The following SETD2 variants were observed in gnomAD, a reference collection of about 807,000 sequenced individuals.
SETD2 encodes the protein SET domain containing 2, histone lysine methyltransferase.
A neutral mutation model predicts 242.1 loss-of-function variants in SETD2; 31 were observed. The ratio of observed to expected loss-of-function variants is 0.13; its 90% CI spans 0.10 to 0.17. The LOEUF (loss-of-function observed/expected upper bound fraction) is 0.17. Ranked by LOEUF, SETD2 falls within the 10% of genes least tolerant of loss-of-function variation. The pLI is 1.00. For missense variants in SETD2, 2,481 were observed against 3,046.3 expected, an observed-to-expected ratio of 0.81 and a Z score of 4.37; for synonymous variants, 1,006 against 1,066.5, an observed-to-expected ratio of 0.94 and a Z score of 1.11.
intron 18 of SETD2, among the ~76,000 whole-genome samples, chr3:47,022,840 A>T (rs142222191): frequency 4.3e-4 from 66 of 152,352 alleles, no homozygotes; most frequent in Non-Finnish European, 7.5e-4. Context: ...GGCAGGCCTG[A>T]GTACCTTTAT....
chr3:47,079,870 C>G (rs372909488), intron 12 of SETD2, among the ~76,000 whole-genome samples: 1 of 152,102 alleles, frequency 6.6e-6, no homozygotes, highest in Admixed American at 6.5e-5. Context: ...TTCTACCAAA[C>G]GAGACATTTA....
At chr3:47,062,027 T>C (rs2040355398) in intron 14 of SETD2, 136 bp downstream of exon 14, 1 of 717,778 alleles carries the variant, frequency 1.4e-6, no homozygotes, top group African/African-American at 1.8e-5. Flanking sequence ...TCAGTAAAGT[T>C]GTATACTCAC....
chr3:47,126,757 T>C, intron 1 of SETD2, 94 bp from the exon 2 acceptor site: 3 of 735,220 alleles, frequency 4.1e-6, no homozygotes, highest in Non-Finnish European at 6.8e-6. Context: ...GTATTAAAAC[T>C]TGGGATACTT....
intron 12 of SETD2, among the ~76,000 whole-genome samples, chr3:47,078,519 CTTTTTTT>C (rs71098448): frequency 1.5e-4 from 11 of 71,298 alleles, no homozygotes; most frequent in African/African-American, 4.8e-4. Flanking sequence ...GATTCTCAGC[CTTTTTTT>C]TTTTTTTTTT....
chr3:47,092,944 T>C (rs2041863806), intron 9 of SETD2, among the ~76,000 whole-genome samples: 1 of 152,176 alleles, frequency 6.6e-6, no homozygotes, highest in South Asian at 2.1e-4. Context: ...AAGAAATAGG[T>C]CTTCAATTTT....
Position 47,123,100 on chromosome 3 carries a change from T to G in SETD2, c.1536A>C (p.Ser512=). The change falls in exon 3 of 21, where the codon TCA becomes TCC. Residue 512 remains serine (S), a synonymous_variant. Coordinates refer to ENST00000409792, the MANE Select transcript of SETD2 (RefSeq NM_014159.7). ...LEMERRGKYS[S]KLERESKRTS... ...TCCTTTTAGATTCTCTTTCTAGTTT[T>G]GAAGAATACTTGCCTCTTCTTTCCA... 6.2e-7 allele frequency: 1 copy of G among 1,613,422 alleles called. No homozygotes were observed. Among genetic ancestry groups the G allele is most frequent in the Non-Finnish European group, 8.5e-7 (1 of 1,179,498 alleles).
rs2107638798 is a variant in SETD2 at position 47,083,965 on chromosome 3, C to T, written c.5815G>A (p.Asp1939Asn). ...CTAGCTTCTATGTTGGTTTCACTAT[C>T]AACTTTGCATTCAGGCAGCTGTTGT... is the stretch of plus-strand genomic sequence containing the variant. ...LPQQLPECKV[D>N]SETNIEASKL... is the part of the protein sequence containing the mutation. The change falls in exon 12 of 21, where the codon GAT (aspartate) becomes AAT (asparagine). Residue 1939 changes from aspartate (D) to asparagine (N), a missense_variant. By Grantham distance (23) the Asp-to-Asn change is conservative (BLOSUM62 1). Coordinates refer to ENST00000409792, the MANE Select transcript of SETD2 (RefSeq NM_014159.7). 5 of 1,614,150 alleles carry T rather than the reference C, an allele frequency of 3.1e-6. No individual in the cohort carries two copies. In the East Asian group the frequency reaches 1.1e-4, roughly 36 times the overall value.
rs553439723 is a variant in SETD2 at position 47,127,717 on chromosome 3, C to T, written c.72-1054G>A. ...TCTCTACTAAAAATACAAAATTAGC[C>T]GAGCATGGTGGTGCGTGCCTGTAAT... On this transcript the variant is annotated intron_variant, in intron 1 of 20. Transcript: ENST00000409792. Among the ~76,000 whole-genome samples, 7 of 152,208 alleles carry T rather than the reference C, an allele frequency of 4.6e-5. No homozygotes were observed. In the South Asian group the frequency reaches 1.0e-3, roughly 23 times the overall value.
chr3:47,035,797 A>G (rs1213041175), intron 18 of SETD2, among the ~76,000 whole-genome samples: 2 of 152,224 alleles, frequency 1.3e-5, no homozygotes, highest in Non-Finnish European at 2.9e-5. Context: ...TTCAAAAGAT[A>G]TAACTAACAC....
At chr3:47,019,935 G>A (rs1462972783) in intron 18 of SETD2, 95 bp from the exon 19 acceptor site, 2 of 1,028,072 alleles carry the variant, frequency 1.9e-6, no homozygotes, top group East Asian at 4.8e-5. Flanking sequence ...TCCCCTAGCA[G>A]GGATACCTGA....
At chr3:47,157,416 A>G (rs1188743441) in intron 1 of SETD2, 1 of 444,236 alleles carries the variant, frequency 2.3e-6, no homozygotes, top group Non-Finnish European at 4.5e-6. Flanking sequence ...ATAAAAAATT[A>G]ATATAGAATC....
Position 47,037,797 on chromosome 3 carries a change from G to A in SETD2, c.7239-20C>T. Reference sequence around the variant, plus strand: ...GTCTGCCTAGAAAGAGACAAAAACAGCCATGCTGTCAGGGCTAGGAAACAG... The same window carrying A: ...GTCTGCCTAGAAAGAGACAAAAACAACCATGCTGTCAGGGCTAGGAAACAG... On this transcript the variant is annotated intron_variant, in intron 17 of 20. Coordinates refer to ENST00000409792, the MANE Select transcript of SETD2 (RefSeq NM_014159.7). 2 of 1,568,916 alleles carry A rather than the reference G, an allele frequency of 1.3e-6. No homozygotes were observed. The highest frequency in any genetic ancestry group is 1.8e-6 in the Non-Finnish European group (2 of 1,139,156).
intron 9 of SETD2, among the ~76,000 whole-genome samples, chr3:47,093,063 ATTACT>A (rs1335844539): frequency 6.6e-6 from 1 of 152,012 alleles, no homozygotes; most frequent in Non-Finnish European, 1.5e-5. Context: ...TTGCTCCCTA[ATTACT>A]TTAATTTTAC....
intron 4 of SETD2, among the ~76,000 whole-genome samples, chr3:47,114,634 T>G (rs2042783953): frequency 6.6e-6 from 1 of 152,074 alleles, no homozygotes. Context: ...ATCCCAGCAC[T>G]TTGGGAGGCC....
intron 15 of SETD2, chr3:47,047,158 C>T (rs1429583237): frequency 1.3e-5 from 2 of 152,310 alleles, no homozygotes; most frequent in Non-Finnish European, 2.9e-5. Flanking sequence ...TATGATAAAA[C>T]CCCTTGGCAG....
intron 10 of SETD2, among the ~76,000 whole-genome samples, chr3:47,087,070 A>G (rs2041592686): frequency 6.6e-6 from 1 of 151,928 alleles, no homozygotes; most frequent in Non-Finnish European, 1.5e-5. Context: ...GTTATCTAAC[A>G]TCTTGTGGCA....
chr3:47,041,237 T>C (rs918689023), intron 17 of SETD2: 6 of 272,542 alleles, frequency 2.2e-5, no homozygotes, highest in Non-Finnish European at 3.8e-5. Context: ...AAAGCAACCA[T>C]AGACAATTTG....
intron 1 of SETD2, among the ~76,000 whole-genome samples, chr3:47,150,980 G>A (rs2043971001): frequency 3.3e-5 from 5 of 151,218 alleles, no homozygotes; most frequent in Admixed American, 6.6e-5. Context: ...ATAGAGGTCA[G>A]CAATTATTAA....
chr3:47,116,489 G>T, intron 4 of SETD2, 134 bp downstream of exon 4: 2 of 747,652 alleles, frequency 2.7e-6, no homozygotes, highest in Non-Finnish European at 4.3e-6. Context: ...ACATCAAAGT[G>T]TCTACTATAC....
Sources: gnomAD v4.1 joint callset for allele counts (sites outside exome capture counted in the v4.1 genomes callset) on GRCh38, gnomAD v4.1.1 for gene constraint, MANE v1.5 for transcripts, NCBI Gene and HGNC (gene_info 2026-07-23, HGNC 2026-07-21) for gene names.